Variants in RGS6 observed in about 807,000 individuals in gnomAD.
RGS6 encodes the protein regulator of G-protein signaling 6.
Under a neutral mutation model 78.5 loss-of-function variants are expected in RGS6, and 30 were observed. That is an observed-to-expected ratio of 0.38 (90% CI 0.29 to 0.52). The LOEUF (loss-of-function observed/expected upper bound fraction) is 0.52, where lower values mean the gene tolerates loss of function less well. RGS6 is among the 20% of genes least tolerant of loss of function. The pLI is 0.85. For missense variants in RGS6, 495 were observed against 609.7 expected, an observed-to-expected ratio of 0.81 and a Z score of 1.98; for synonymous variants, 206 against 206.0, an observed-to-expected ratio of 1.00 and a Z score of 0.00.
intron 2 of RGS6, among the ~76,000 whole-genome samples, chr14:72,026,899 G>A (rs74455122): frequency 0.072 from 10,982 of 152,276 alleles, 437 homozygotes; most frequent in South Asian, 0.092. Context: ...CAGGTGCTAG[G>A]GGGGGCTACT....
intron 2 of RGS6, among the ~76,000 whole-genome samples, chr14:72,239,069 TA>T (rs1210537068): frequency 6.6e-6 from 1 of 152,166 alleles, no homozygotes; most frequent in Non-Finnish European, 1.5e-5. Context: ...AAAGTTTATT[TA>T]AAAAGGCTTT....
chr14:72,318,354 T>A (rs935479181), intron 2 of RGS6, among the ~76,000 whole-genome samples: 4 of 152,118 alleles, frequency 2.6e-5, no homozygotes, highest in African/African-American at 9.7e-5. Flanking sequence ...CCACCCAGAT[T>A]AAGGATGGGT....
the RGS6 span, among the ~76,000 whole-genome samples, chr14:71,907,303 C>T: frequency 6.6e-6 from 1 of 152,152 alleles, no homozygotes; most frequent in Non-Finnish European, 1.5e-5. Flanking sequence ...TCTGCAGGGT[C>T]AGGATTGCTT....
At chr14:72,135,423 A>T (rs2096416965) in intron 2 of RGS6, among the ~76,000 whole-genome samples, 2 of 152,100 alleles carry the variant, frequency 1.3e-5, no homozygotes, top group South Asian at 4.1e-4. Flanking sequence ...AAATGTGAGG[A>T]TGGAATTCAT....
chr14:71,905,767 G>A, the RGS6 span, among the ~76,000 whole-genome samples: 1 of 152,210 alleles, frequency 6.6e-6, no homozygotes, highest in Admixed American at 6.5e-5. Context: ...TAGGATACAG[G>A]CATGAGCTAC....
chr14:72,566,675 A>G (rs2097712851), downstream of RGS6: 1 of 116,028 alleles, frequency 8.6e-6, no homozygotes, highest in Admixed American at 8.7e-5. Context: ...ACACACACAC[A>G]CACACACCTG....
intron 3 of RGS6, among the ~76,000 whole-genome samples, chr14:72,385,849 A>G (rs538581739): frequency 6.6e-6 from 1 of 152,200 alleles, no homozygotes; most frequent in Non-Finnish European, 1.5e-5. Context: ...TAATTTGTCA[A>G]TATAGCCCAA....
At chr14:72,360,322 C>A (rs564832785) in intron 3 of RGS6, among the ~76,000 whole-genome samples, 1 of 151,850 alleles carries the variant, frequency 6.6e-6, no homozygotes, top group Non-Finnish European at 1.5e-5. Context: ...GAAATCAAGA[C>A]CATCCTGGCT....
intron 2 of RGS6, among the ~76,000 whole-genome samples, chr14:72,112,648 T>C (rs555795274): frequency 6.6e-6 from 1 of 152,286 alleles, no homozygotes; most frequent in African/African-American, 2.4e-5. Context: ...CAGTTAGTCC[T>C]CCTAATAGTC....
At chr14:72,360,912 T>C (rs1416127148) in intron 3 of RGS6, among the ~76,000 whole-genome samples, 4 of 152,256 alleles carry the variant, frequency 2.6e-5, no homozygotes, top group South Asian at 2.1e-4. Context: ...ATTCTCATGA[T>C]AGTGAGCAAG....
intron 2 of RGS6, among the ~76,000 whole-genome samples, chr14:72,004,849 A>ATAAATAAATAAAT (rs1224764581): frequency 2.0e-5 from 3 of 152,152 alleles, no homozygotes; most frequent in African/African-American, 4.8e-5. Context: ...AAATAAATAA[A>ATAAATAAATAAAT]ACAAACATAA....
chr14:72,495,365 C>T, intron 13 of RGS6, 103 bp downstream of exon 13: 1 of 808,870 alleles, frequency 1.2e-6, no homozygotes, highest in East Asian at 2.5e-5. Context: ...TTTTTTATCG[C>T]TAGAACAGAA....
At position 72,474,704 on chromosome 14, in the gene RGS6, G is replaced by A. The variant is rs753803861; in HGVS notation, c.693+5G>A. ...AATCCACAAAAGGTTAAAAAGGTTC[G>A]CTAGTTTAGCTGAGTTAAAAATTCC... On this transcript the variant is annotated splice_donor_5th_base_variant and intron_variant, in intron 10 of 17. Transcript: ENST00000553525. 1.1e-5 allele frequency: 17 copies of A among 1,612,516 alleles called. No homozygotes were observed. The Admixed American group carries it at 1.8e-4, about 17-fold the overall frequency.
intron 2 of RGS6, among the ~76,000 whole-genome samples, chr14:72,207,830 T>C (rs2043062987): frequency 6.6e-6 from 1 of 152,244 alleles, no homozygotes; most frequent in Admixed American, 6.5e-5. Context: ...GGCAAGGTTA[T>C]TAAGCTGTCC....
chr14:72,031,810 G>C (rs2090940871), intron 2 of RGS6, among the ~76,000 whole-genome samples: 1 of 152,192 alleles, frequency 6.6e-6, no homozygotes, highest in Non-Finnish European at 1.5e-5. Context: ...TTAGGGAACA[G>C]CCTAATTGAC....
At position 72,423,419 on chromosome 14, in the gene RGS6, A is replaced by C. The variant is rs548745763; in HGVS notation, c.185-31109A>C. 2.6e-5 allele frequency among the ~76,000 whole-genome samples: 4 copies of C among 152,220 alleles called. No individual in the cohort carries two copies. The East Asian group carries it at 7.7e-4, about 29-fold the overall frequency. On this transcript the variant is annotated intron_variant, in intron 3 of 17. Transcript: ENST00000553525. ...AGATGAGATGGAAATAATTGTTAACAATGTATTCATTCAACAATGGATTGT... is the reference window on the plus strand; with the variant it reads ...AGATGAGATGGAAATAATTGTTAACCATGTATTCATTCAACAATGGATTGT...
the RGS6 span, among the ~76,000 whole-genome samples, chr14:72,622,098 G>A: frequency 6.6e-6 from 1 of 152,220 alleles, no homozygotes; most frequent in South Asian, 2.1e-4. Flanking sequence ...TGTCTTCATG[G>A]AGAAGTGTCC....
At chr14:72,270,366 TAAAAC>T (rs1201838240) in intron 2 of RGS6, among the ~76,000 whole-genome samples, 1 of 151,980 alleles carries the variant, frequency 6.6e-6, no homozygotes, top group African/African-American at 2.4e-5. Flanking sequence ...AAAGAGGAAA[TAAAAC>T]AGCATAATCC....
chr14:72,389,451 T>C (rs575395635), intron 3 of RGS6, among the ~76,000 whole-genome samples: 1 of 152,292 alleles, frequency 6.6e-6, no homozygotes, highest in African/African-American at 2.4e-5. Flanking sequence ...GGACACACAC[T>C]GGGTGAGAAG....
Sources: gnomAD v4.1 joint callset for allele counts (sites outside exome capture counted in the v4.1 genomes callset) on GRCh38, gnomAD v4.1.1 for gene constraint, MANE v1.5 for transcripts, NCBI Gene and HGNC (gene_info 2026-07-23, HGNC 2026-07-21) for gene names.